B3GLCT: variants seen among roughly 807,000 people sequenced by gnomAD.
The protein encoded by B3GLCT is beta-1,3-glucosyltransferase.
In B3GLCT, 65 loss-of-function variants were observed where a neutral mutation model predicts 63.4. The ratio of observed to expected loss-of-function variants is 1.03; its 90% CI spans 0.84 to 1.26. B3GLCT has a LOEUF of 1.26. Ranked by LOEUF, B3GLCT falls within the 50% of genes most tolerant of loss-of-function variation. The probability of loss-of-function intolerance (pLI) is 0.00; values close to 1 mark genes in which losing one functional copy is unlikely to be tolerated. For synonymous variants in B3GLCT, 233 were observed against 219.2 expected (o/e 1.06, Z -0.55); for missense variants, 577 against 604.8 (o/e 0.95, Z 0.48).
chr13:31,286,950 C>A, intron 12 of B3GLCT, 131 bp downstream of exon 12: 1 of 599,140 alleles, frequency 1.7e-6, no homozygotes, highest in East Asian at 2.8e-5. Context: ...TGAACCAATC[C>A]TCTTAAGGAA....
At chr13:31,293,251 G>A (rs1873767322) in intron 12 of B3GLCT, among the ~76,000 whole-genome samples, 2 of 152,212 alleles carry the variant, frequency 1.3e-5, no homozygotes, top group African/African-American at 4.8e-5. Context: ...TAAGTGTGAT[G>A]TGGTGCTGTG....
intron 6 of B3GLCT, among the ~76,000 whole-genome samples, chr13:31,256,060 A>G (rs1050712358): frequency 1.3e-5 from 2 of 152,366 alleles, no homozygotes; most frequent in South Asian, 4.1e-4. Context: ...CAAAGGGCTA[A>G]TATCTAGAAT....
Position 31,200,002 on chromosome 13 carries a change from C to A in B3GLCT, c.-83C>A. 1.2e-6 allele frequency: 1 copy of A among 819,730 alleles called. No individual in the cohort carries two copies. Among genetic ancestry groups the A allele is most frequent in the Non-Finnish European group, 1.6e-6 (1 of 631,932 alleles). The allele number at this position is 819,730 out of a possible 1,614,324, so 50.8% of individuals were successfully genotyped here. On this transcript the variant is annotated 5_prime_UTR_variant, in exon 1 of 15. Coordinates refer to ENST00000343307, the MANE Select transcript of B3GLCT (RefSeq NM_194318.4). ...AGAAGGGTCAGCCGCGGCGGCAGGG[C>A]GGCGGCGGCAGCGGCGCAGCTCCGC...
intron 12 of B3GLCT, among the ~76,000 whole-genome samples, chr13:31,294,713 C>A (rs1450268640): frequency 6.6e-6 from 1 of 151,894 alleles, no homozygotes; most frequent in African/African-American, 2.4e-5. Context: ...TTCGTCTAAC[C>A]TTTTTTCAAG....
At chr13:31,329,328 G>A (rs1192925924) in intron 14 of B3GLCT, among the ~76,000 whole-genome samples, 173 bp from the exon 15 acceptor site, 2 of 152,184 alleles carry the variant, frequency 1.3e-5, no homozygotes, top group Non-Finnish European at 2.9e-5. Context: ...CAAAAGCAAA[G>A]CACCTGGAGT....
rs546215601 is a variant in B3GLCT, at chr13:31,243,190, A to G, written c.271-3833A>G. On this transcript the variant is annotated intron_variant, in intron 4 of 14. Transcript: ENST00000343307. ...ATCAGTCTTAAAAGTTCAGTTTTTTAGAACCTTTGCCTAATGCTGATCTTA... is the reference window on the plus strand; with the variant it reads ...ATCAGTCTTAAAAGTTCAGTTTTTTGGAACCTTTGCCTAATGCTGATCTTA... 3.3e-5 allele frequency among the ~76,000 whole-genome samples: 5 copies of G among 152,370 alleles called. 1 individual carries two copies. The South Asian group carries it at 1.0e-3, about 32-fold the overall frequency.
chr13:31,231,187 A>AG (rs1270179774), intron 4 of B3GLCT, among the ~76,000 whole-genome samples: 1 of 151,944 alleles, frequency 6.6e-6, no homozygotes, highest in Non-Finnish European at 1.5e-5. Context: ...TGCTGCAGGG[A>AG]GGAGGAGGAG....
chr13:31,324,627 A>G (rs1875514229), intron 14 of B3GLCT, among the ~76,000 whole-genome samples: 1 of 152,236 alleles, frequency 6.6e-6, no homozygotes, highest in African/African-American at 2.4e-5. Context: ...ATCCTCCTCA[A>G]GAAATTTAAA....
At chr13:31,213,706 A>C (rs759944799) in intron 1 of B3GLCT, among the ~76,000 whole-genome samples, 14 of 147,610 alleles carry the variant, frequency 9.5e-5, no homozygotes, top group Non-Finnish European at 2.1e-4. Context: ...ATAAGTGATA[A>C]ACAAATATAT....
chr13:31,294,182 GT>G (rs1389963033), intron 12 of B3GLCT, among the ~76,000 whole-genome samples: 2 of 152,340 alleles, frequency 1.3e-5, no homozygotes, highest in Admixed American at 6.5e-5. Context: ...GAGATCCGCT[GT>G]TTGTCTGATG....
chr13:31,252,359 C>T (rs991521923), intron 6 of B3GLCT, among the ~76,000 whole-genome samples: 9 of 152,308 alleles, frequency 5.9e-5, no homozygotes, highest in African/African-American at 2.2e-4. Context: ...ATCAGATTTA[C>T]ACATAACAAT....
intron 2 of B3GLCT, 52 bp from the exon 3 acceptor site, chr13:31,222,900 T>C: frequency 8.2e-7 from 1 of 1,216,102 alleles, no homozygotes; most frequent in Non-Finnish European, 1.2e-6. Flanking sequence ...AGTGTACTGC[T>C]GGCTTTGTTA....
At chr13:31,323,040 A>C (rs1385616398) in intron 13 of B3GLCT, among the ~76,000 whole-genome samples, 1 of 152,216 alleles carries the variant, frequency 6.6e-6, no homozygotes, top group African/African-American at 2.4e-5. Flanking sequence ...ATTTTGTTAC[A>C]ACATCTTAAG....
chr13:31,299,884 A>G (rs1304874710), intron 12 of B3GLCT, among the ~76,000 whole-genome samples: 1 of 152,134 alleles, frequency 6.6e-6, no homozygotes, highest in African/African-American at 2.4e-5. Context: ...CCAAGTATCC[A>G]TTGCCCTCTT....
chr13:31,309,854 T>C (rs1874614916), intron 12 of B3GLCT, among the ~76,000 whole-genome samples: 1 of 152,182 alleles, frequency 6.6e-6, no homozygotes, highest in Non-Finnish European at 1.5e-5. Context: ...AAGACCTCCT[T>C]ATTCAGACTT....
intron 2 of B3GLCT, among the ~76,000 whole-genome samples, chr13:31,221,233 C>G (rs572731500): frequency 2.0e-4 from 30 of 152,298 alleles, no homozygotes; most frequent in Non-Finnish European, 3.8e-4. Context: ...TTTCCAGGAG[C>G]CTCAGCTGGC....
chr13:31,232,487 G>A (rs1870431203), intron 4 of B3GLCT, among the ~76,000 whole-genome samples: 1 of 152,138 alleles, frequency 6.6e-6, no homozygotes, highest in African/African-American at 2.4e-5. Flanking sequence ...CTCTCCTCAC[G>A]ACAGTACCAA....
intron 4 of B3GLCT, among the ~76,000 whole-genome samples, chr13:31,235,827 C>G (rs986402398): frequency 6.6e-6 from 1 of 152,136 alleles, no homozygotes; most frequent in Non-Finnish European, 1.5e-5. Flanking sequence ...CCCCATTCCT[C>G]CCTACCCCAA....
chr13:31,301,610 TTC>T (rs1229070210), intron 12 of B3GLCT, among the ~76,000 whole-genome samples: 1 of 152,228 alleles, frequency 6.6e-6, no homozygotes, highest in East Asian at 1.9e-4. Flanking sequence ...ATTTTACCCT[TTC>T]TTCTGCAAAA....
Sources: allele counts gnomAD v4.1 joint callset (sites outside exome capture counted in the v4.1 genomes callset), GRCh38; gene constraint gnomAD v4.1.1; transcripts MANE v1.5; gene names NCBI Gene and HGNC (gene_info 2026-07-23, HGNC 2026-07-21).